The following PALS2 variants were observed in gnomAD, a reference collection of about 807,000 sequenced individuals.
PALS2 encodes the protein protein PALS2.
In PALS2, 27 loss-of-function variants were observed where a neutral mutation model predicts 61.6. The observed-to-expected ratio is 0.44, with a 90% CI of 0.32 to 0.60. The LOEUF (loss-of-function observed/expected upper bound fraction) is 0.60, where lower values mean the gene tolerates loss of function less well. Among genes scored for constraint, PALS2 ranks in the 20% least tolerant of loss-of-function variants. PALS2 has a pLI of 0.05. For missense variants in PALS2, 554 were observed against 639.4 expected, an observed-to-expected ratio of 0.87 and a Z score of 1.44; for synonymous variants, 236 against 218.6, an observed-to-expected ratio of 1.08 and a Z score of -0.70.
intron 5 of PALS2, among the ~76,000 whole-genome samples, chr7:24,661,003 C>G (rs922354870): frequency 1.3e-5 from 2 of 152,088 alleles, no homozygotes; most frequent in African/African-American, 4.8e-5. Context: ...TTTGTACTTC[C>G]TTTTCTTTGT....
chr7:24,664,201 A>T (rs547281756), intron 6 of PALS2, among the ~76,000 whole-genome samples: 1 of 152,146 alleles, frequency 6.6e-6, no homozygotes, highest in Non-Finnish European at 1.5e-5. Context: ...ATATTGGGAA[A>T]TGGAGGTTCA....
At chr7:24,625,304 G>A (rs1236541155) in intron 2 of PALS2, among the ~76,000 whole-genome samples, 2 of 152,030 alleles carry the variant, frequency 1.3e-5, no homozygotes, top group Non-Finnish European at 2.9e-5. Flanking sequence ...TTATCTCCAT[G>A]TTTATTTAAT....
chr7:24,684,909 C>A (rs1392863080), intron 11 of PALS2, among the ~76,000 whole-genome samples: 2 of 151,894 alleles, frequency 1.3e-5, no homozygotes, highest in East Asian at 1.9e-4. Flanking sequence ...AAGTTCCAGG[C>A]TTTTATTGTT....
intron 3 of PALS2, 61 bp downstream of exon 3, chr7:24,641,929 T>A: frequency 6.5e-7 from 1 of 1,529,132 alleles, no homozygotes; most frequent in Non-Finnish European, 9.0e-7. Flanking sequence ...TCTCCTTTAC[T>A]TTCCAGTTTA....
intron 1 of PALS2, among the ~76,000 whole-genome samples, chr7:24,610,054 A>C (rs908597303): frequency 7.2e-5 from 11 of 152,080 alleles, no homozygotes; most frequent in Non-Finnish European, 1.5e-4. Context: ...TCATGTTCTT[A>C]ACACCCCACC....
Position 24,650,465 on chromosome 7 carries a change from C to T in PALS2, c.424-20C>T, listed in dbSNP as rs372292969. ...TTCTCCCTAATAATTAATGAGAAAT[C>T]TGTTTCTTATTTTTCATAGGGTGTG... On this transcript the variant is annotated intron_variant, in intron 4 of 11. Coordinates refer to ENST00000222644, the MANE Select transcript of PALS2 (RefSeq NM_001303037.2). 2,941 of 1,521,028 alleles carry T rather than the reference C, an allele frequency of 1.9e-3. 6 individuals carry two copies. The highest frequency in any genetic ancestry group is 2.4e-3 in the Non-Finnish European group (2,707 of 1,125,260). 94.2% of individuals were successfully genotyped at this position (1,521,028 alleles called of 1,614,324 possible). A position where few individuals can be genotyped will look rare whatever the true frequency, so the allele number is the denominator to read the frequency against.
intron 2 of PALS2, among the ~76,000 whole-genome samples, chr7:24,639,434 T>A (rs933888457): frequency 6.7e-6 from 1 of 148,478 alleles, no homozygotes; most frequent in Admixed American, 6.7e-5. Context: ...ACACACACAC[T>A]ACTTAGAATA....
intron 3 of PALS2, among the ~76,000 whole-genome samples, chr7:24,647,836 T>C (rs368766982): frequency 6.6e-6 from 1 of 152,222 alleles, no homozygotes; most frequent in African/African-American, 2.4e-5. Context: ...ATCCCTACTT[T>C]TGATTTTCAA....
chr7:24,631,136 T>C (rs1389250814), intron 2 of PALS2, among the ~76,000 whole-genome samples: 1 of 152,138 alleles, frequency 6.6e-6, no homozygotes, highest in African/African-American at 2.4e-5. Context: ...CCAGAAAGGG[T>C]TTACTATTCT....
chr7:24,603,391 C>T (rs377766418), intron 1 of PALS2, among the ~76,000 whole-genome samples: 2 of 152,148 alleles, frequency 1.3e-5, no homozygotes, highest in African/African-American at 4.8e-5. Context: ...ATAGAGAAAA[C>T]CTGCTGCTGT....
intron 8 of PALS2, among the ~76,000 whole-genome samples, 184 bp from the exon 9 acceptor site, chr7:24,668,315 A>G (rs1185038541): frequency 6.6e-6 from 1 of 152,170 alleles, no homozygotes; most frequent in Admixed American, 6.6e-5. Context: ...CTTAAAAACA[A>G]TAATAAAATA....
At chr7:24,631,226 C>G (rs1448313109) in intron 2 of PALS2, among the ~76,000 whole-genome samples, 1 of 152,120 alleles carries the variant, frequency 6.6e-6, no homozygotes, top group Admixed American at 6.5e-5. Context: ...GAAGTTGAGT[C>G]CAGCTCTCAT....
chr7:24,670,332 G>A (rs1349489300), intron 9 of PALS2, among the ~76,000 whole-genome samples: 1 of 151,798 alleles, frequency 6.6e-6, no homozygotes, highest in Non-Finnish European at 1.5e-5. Context: ...CAGTAAGTCA[G>A]GTTCTTTTTT....
chr7:24,590,140 G>T (rs941649330), intron 1 of PALS2, among the ~76,000 whole-genome samples: 1 of 152,134 alleles, frequency 6.6e-6, no homozygotes, highest in Admixed American at 6.5e-5. Context: ...ATTTAAGTGC[G>T]CACAGACTTC....
At chr7:24,642,046 T>G (rs141148190) in intron 3 of PALS2, among the ~76,000 whole-genome samples, 178 bp downstream of exon 3, 93 of 152,292 alleles carry the variant, frequency 6.1e-4, no homozygotes, top group Non-Finnish European at 1.0e-3. Flanking sequence ...TAAAGAGACA[T>G]ATGTAACAAT....
At chr7:24,626,141 T>C (rs1294062231) in intron 2 of PALS2, among the ~76,000 whole-genome samples, 1 of 152,148 alleles carries the variant, frequency 6.6e-6, no homozygotes, top group Non-Finnish European at 1.5e-5. Context: ...ACATGTAAAA[T>C]ATTTTTAGAA....
At position 24,679,291 on chromosome 7, in the gene PALS2, T is replaced by G; in HGVS notation, c.1275T>G (p.Val425=). The G allele has an allele frequency of 6.2e-7, 1 of 1,614,094 alleles. No homozygotes were observed. Among genetic ancestry groups the G allele is most frequent in the East Asian group, 2.2e-5 (1 of 44,874 alleles). Residue 425 remains valine (V), a synonymous_variant, in exon 10 of 12, where the codon GTT becomes GTG. Coordinates refer to ENST00000222644, the MANE Select transcript of PALS2 (RefSeq NM_001303037.2). ...YGTKIDSILE[V]VQTGRTCILD... ...CCAAAATTGATTCTATTCTTGAGGT[T>G]GTCCAAACTGGACGGACTTGCATTC...
At chr7:24,676,543 G>A (rs1367494696) in intron 9 of PALS2, among the ~76,000 whole-genome samples, 29 of 152,028 alleles carry the variant, frequency 1.9e-4, no homozygotes, top group Non-Finnish European at 2.8e-4. Flanking sequence ...ATCTTGAATT[G>A]ATTTTTGTAT....
intron 8 of PALS2, among the ~76,000 whole-genome samples, chr7:24,667,597 T>A (rs966783909): frequency 6.6e-6 from 1 of 151,768 alleles, no homozygotes; most frequent in Admixed American, 6.6e-5. Flanking sequence ...TAAGTTTCAG[T>A]GGATAGAATC....
Sources: gnomAD v4.1 joint callset for allele counts (sites outside exome capture counted in the v4.1 genomes callset) on GRCh38, gnomAD v4.1.1 for gene constraint, MANE v1.5 for transcripts, NCBI Gene and HGNC (gene_info 2026-07-23, HGNC 2026-07-21) for gene names.